CDH13: variants seen among roughly 807,000 people sequenced by gnomAD.
CDH13 encodes the protein cadherin 13.
Under a neutral mutation model 63.8 loss-of-function variants are expected in CDH13, and 24 were observed. That is an observed-to-expected ratio of 0.38 (90% CI 0.27 to 0.53). The LOEUF (loss-of-function observed/expected upper bound fraction) is 0.53. Among genes scored for constraint, CDH13 ranks in the 20% least tolerant of loss-of-function variants. The pLI is 0.85. For synonymous variants in CDH13, 503 were observed against 355.3 expected, an observed-to-expected ratio of 1.42 and a Z score of -4.67; for missense variants, 1,049 against 903.1, an observed-to-expected ratio of 1.16 and a Z score of -2.07.
chr16:83,038,183 C>G (rs564613534), intron 3 of CDH13, among the ~76,000 whole-genome samples: 1 of 152,266 alleles, frequency 6.6e-6, no homozygotes, highest in South Asian at 2.1e-4. Context: ...CACAGTTAAG[C>G]CTATTTTAGC....
chr16:83,532,074 A>G (rs569858254), intron 7 of CDH13, among the ~76,000 whole-genome samples: 11 of 152,236 alleles, frequency 7.2e-5, no homozygotes, highest in Admixed American at 1.3e-4. Context: ...TGATGGTTTT[A>G]TAAAGGGGAG....
intron 7 of CDH13, among the ~76,000 whole-genome samples, chr16:83,521,102 G>T (rs192957149): frequency 6.6e-6 from 1 of 152,204 alleles, no homozygotes; most frequent in Admixed American, 6.5e-5. Flanking sequence ...ACATATTTAG[G>T]TAAGACATAC....
intron 4 of CDH13, among the ~76,000 whole-genome samples, chr16:83,178,398 C>A (rs1485201112): frequency 6.6e-6 from 1 of 152,112 alleles, no homozygotes; most frequent in Non-Finnish European, 1.5e-5. Flanking sequence ...TCTGAAGTCC[C>A]CTCTGGCACT....
chr16:82,907,652 C>A (rs1396381577), intron 2 of CDH13, among the ~76,000 whole-genome samples: 1 of 152,182 alleles, frequency 6.6e-6, no homozygotes. Flanking sequence ...ACCTGTGTTG[C>A]CTCACATTGA....
chr16:83,296,924 A>T (rs2089612813), intron 5 of CDH13, among the ~76,000 whole-genome samples: 1 of 152,198 alleles, frequency 6.6e-6, no homozygotes, highest in Non-Finnish European at 1.5e-5. Flanking sequence ...ATAGATGAAG[A>T]ATAATTACTG....
chr16:82,722,046 G>T (rs954373480), intron 1 of CDH13, among the ~76,000 whole-genome samples: 2 of 152,176 alleles, frequency 1.3e-5, no homozygotes, highest in Non-Finnish European at 2.9e-5. Flanking sequence ...AGGCAGGGAT[G>T]GGATTCAAGG....
chr16:82,998,405 ATTTTG>A (rs1567729726), intron 2 of CDH13, among the ~76,000 whole-genome samples: 2 of 152,042 alleles, frequency 1.3e-5, no homozygotes, highest in Admixed American at 6.5e-5. Context: ...GTTCTTTTCT[ATTTTG>A]TTTTGTCCTG....
chr16:83,258,800 C>T (rs772129196), intron 5 of CDH13, among the ~76,000 whole-genome samples: 9 of 152,184 alleles, frequency 5.9e-5, no homozygotes, highest in African/African-American at 1.9e-4. Flanking sequence ...CAGAGCACAT[C>T]GTGACGCTAT....
At chr16:82,729,910 C>T (rs2033309051) in intron 1 of CDH13, among the ~76,000 whole-genome samples, 1 of 152,212 alleles carries the variant, frequency 6.6e-6, no homozygotes, top group Non-Finnish European at 1.5e-5. Flanking sequence ...ATCTTACACT[C>T]TTATGTTATG....
intron 3 of CDH13, among the ~76,000 whole-genome samples, chr16:83,057,747 A>G (rs537671242): frequency 2.0e-5 from 3 of 152,270 alleles, no homozygotes; most frequent in African/African-American, 7.2e-5. Context: ...CTAATTTTAA[A>G]CCGTCTAAGA....
chr16:83,511,553 A>G (rs911767640), intron 7 of CDH13, among the ~76,000 whole-genome samples: 1 of 152,208 alleles, frequency 6.6e-6, no homozygotes, highest in Non-Finnish European at 1.5e-5. Context: ...TCCCATAGAA[A>G]CAAGTGAGTT....
intron 1 of CDH13, chr16:82,688,922 C>T (rs944201180): frequency 6.6e-6 from 1 of 152,144 alleles, no homozygotes; most frequent in African/African-American, 2.4e-5. Flanking sequence ...GGGGCTTGGT[C>T]AGGCTTCCTG....
intron 4 of CDH13, among the ~76,000 whole-genome samples, chr16:83,158,757 C>G (rs2037324898): frequency 1.3e-5 from 2 of 152,218 alleles, no homozygotes; most frequent in Non-Finnish European, 1.5e-5. Context: ...GCTCGAGTCA[C>G]TGAGCAGTGT....
intron 2 of CDH13, among the ~76,000 whole-genome samples, chr16:82,907,374 T>C (rs2041684377): frequency 6.6e-6 from 1 of 152,118 alleles, no homozygotes; most frequent in Non-Finnish European, 1.5e-5. Flanking sequence ...CCCTGTTTAA[T>C]CATAATCCCT....
At chr16:83,702,831 G>C (rs182752328) in intron 10 of CDH13, among the ~76,000 whole-genome samples, 1 of 152,178 alleles carries the variant, frequency 6.6e-6, no homozygotes, top group African/African-American at 2.4e-5. Flanking sequence ...AAAACTGGCC[G>C]CTTCAGGGAA....
intron 11 of CDH13, among the ~76,000 whole-genome samples, chr16:83,759,505 C>T (rs570813073): frequency 6.8e-6 from 1 of 146,568 alleles, no homozygotes; most frequent in East Asian, 2.0e-4. Flanking sequence ...AATTAGGATA[C>T]AAAAGTACTA....
intron 8 of CDH13, among the ~76,000 whole-genome samples, chr16:83,669,652 C>T (rs979829148): frequency 3.9e-5 from 6 of 152,176 alleles, no homozygotes; most frequent in African/African-American, 9.7e-5. Flanking sequence ...CCGCCCTGTC[C>T]CCTGAGAGGC....
intron 2 of CDH13, among the ~76,000 whole-genome samples, chr16:82,981,500 G>A (rs891964156): frequency 6.6e-6 from 1 of 152,026 alleles, no homozygotes; most frequent in Non-Finnish European, 1.5e-5. Flanking sequence ...CTCCTCCTGG[G>A]GTAAAGAGTC....
At chr16:82,992,078 A>G (rs1911722255) in intron 2 of CDH13, among the ~76,000 whole-genome samples, 1 of 152,202 alleles carries the variant, frequency 6.6e-6, no homozygotes, top group African/African-American at 2.4e-5. Flanking sequence ...ATTTCGTAGA[A>G]GTGAAACGGC....
Sources: gnomAD v4.1 joint callset for allele counts (sites outside exome capture counted in the v4.1 genomes callset) on GRCh38, gnomAD v4.1.1 for gene constraint, MANE v1.5 for transcripts, NCBI Gene and HGNC (gene_info 2026-07-23, HGNC 2026-07-21) for gene names.